The following ANKRD12 variants were observed in gnomAD, a reference collection of about 807,000 sequenced individuals.
The protein encoded by ANKRD12 is ankyrin repeat domain 12, also known as ankyrin repeat domain-containing protein 12.
Under a neutral mutation model 183.4 loss-of-function variants are expected in ANKRD12, and 85 were observed. The observed-to-expected ratio is 0.46, with a 90% CI of 0.39 to 0.56. The LOEUF (loss-of-function observed/expected upper bound fraction) is 0.56, where lower values mean the gene tolerates loss of function less well. Among genes scored for constraint, ANKRD12 ranks in the 20% least tolerant of loss-of-function variants. The pLI is 0.00. For synonymous variants in ANKRD12, 914 were observed against 800.2 expected, an observed-to-expected ratio of 1.14 and a Z score of -2.40; for missense variants, 2,405 against 2,357.1, an observed-to-expected ratio of 1.02 and a Z score of -0.42.
intron 10 of ANKRD12, among the ~76,000 whole-genome samples, chr18:9,266,009 G>A (rs1056307046): frequency 1.3e-5 from 2 of 152,224 alleles, no homozygotes; most frequent in Non-Finnish European, 2.9e-5. Flanking sequence ...TCAGCTGGAA[G>A]AAAAGGTATC....
intron 10 of ANKRD12, among the ~76,000 whole-genome samples, chr18:9,264,496 A>G (rs1050773278): frequency 1.3e-5 from 2 of 152,138 alleles, no homozygotes; most frequent in Admixed American, 1.3e-4. Flanking sequence ...ATTTGTATAT[A>G]ACTTCTTTGG....
intron 2 of ANKRD12, among the ~76,000 whole-genome samples, chr18:9,187,609 T>G (rs2034176163): frequency 6.6e-6 from 1 of 152,238 alleles, no homozygotes; most frequent in African/African-American, 2.4e-5. Flanking sequence ...TAAAGTCCTC[T>G]CATTAAATAT....
intron 2 of ANKRD12, 29 bp from the exon 3 acceptor site, chr18:9,195,522 T>C (rs2144403392): frequency 1.3e-6 from 2 of 1,535,076 alleles, no homozygotes; most frequent in East Asian, 2.4e-5. Flanking sequence ...AATATTGATA[T>C]AACTTTACTC....
Position 9,182,458 on chromosome 18 carries a change from C to G in ANKRD12, c.26C>G (p.Pro9Arg). 6.2e-7 allele frequency: 1 copy of G among 1,610,726 alleles called. No individual in the cohort carries two copies. The highest frequency in any genetic ancestry group is 8.5e-7 in the Non-Finnish European group (1 of 1,178,304). ...ATGCCCAAATCTGGGTTCACAAAACCAATTCAGAGTGAAAATTCTGACAGT... is the reference window on the plus strand; with the variant it reads ...ATGCCCAAATCTGGGTTCACAAAACGAATTCAGAGTGAAAATTCTGACAGT... The part of the protein sequence containing the change: MPKSGFTK[P>R]IQSENSDSDS... Residue 9 changes from proline to arginine, a missense_variant, in exon 2 of 13, where the codon CCA (proline) becomes CGA (arginine). Physicochemically the swap from Pro to Arg is moderately radical, Grantham distance 103 (BLOSUM62 -2). Around this residue, in one of 7 missense-constraint regions of ANKRD12, gnomAD observed 145 missense variants for 145.6 expected, o/e 1.00. Coordinates refer to ENST00000262126, the MANE Select transcript of ANKRD12 (RefSeq NM_015208.5).
At chr18:9,151,031 T>C (rs1038903277) in intron 1 of ANKRD12, among the ~76,000 whole-genome samples, 6 of 152,190 alleles carry the variant, frequency 3.9e-5, no homozygotes, top group African/African-American at 1.2e-4. Context: ...GAAAATGTTA[T>C]GGAATAACTG....
chr18:9,265,501 T>TA (rs1176800309), intron 10 of ANKRD12, among the ~76,000 whole-genome samples: 3 of 152,160 alleles, frequency 2.0e-5, no homozygotes, highest in African/African-American at 7.2e-5. Flanking sequence ...CCGCTGCTGT[T>TA]ACCCACACAA....
intron 1 of ANKRD12, among the ~76,000 whole-genome samples, chr18:9,171,944 C>T (rs765391815): frequency 7.4e-5 from 11 of 149,190 alleles, no homozygotes; most frequent in Admixed American, 1.4e-4. Context: ...CACTTGAACC[C>T]GGGAGGTGGA....
intron 8 of ANKRD12, among the ~76,000 whole-genome samples, chr18:9,230,433 AT>A (rs1224083061): frequency 6.6e-6 from 1 of 151,336 alleles, no homozygotes; most frequent in African/African-American, 2.4e-5. Context: ...GATCCTTTGC[AT>A]TTTTTTAAGT....
intron 8 of ANKRD12, among the ~76,000 whole-genome samples, chr18:9,241,649 G>A (rs2037668188): frequency 6.6e-6 from 1 of 152,164 alleles, no homozygotes; most frequent in South Asian, 2.1e-4. Flanking sequence ...CAGCATGGTA[G>A]GCAATGAGGT....
chr18:9,237,280 A>G (rs1460238684), intron 8 of ANKRD12, among the ~76,000 whole-genome samples: 1 of 152,208 alleles, frequency 6.6e-6, no homozygotes, highest in Non-Finnish European at 1.5e-5. Flanking sequence ...TGATACATGG[A>G]TGGGGTGAAT....
intron 1 of ANKRD12, among the ~76,000 whole-genome samples, chr18:9,166,055 A>C (rs111883203): frequency 6.6e-6 from 1 of 151,784 alleles, no homozygotes; most frequent in African/African-American, 2.4e-5. Flanking sequence ...TGAACTCATC[A>C]TTTTTTATGG....
intron 2 of ANKRD12, among the ~76,000 whole-genome samples, chr18:9,191,573 TA>T (rs1208367306): frequency 6.6e-6 from 1 of 152,192 alleles, no homozygotes; most frequent in Non-Finnish European, 1.5e-5. Context: ...CTTTTATTCG[TA>T]ACAATGATTC....
In ANKRD12 at chr18:9,254,641, G is replaced by C; in HGVS notation, c.1374G>C (p.Lys458Asn). 2 of 1,570,170 alleles carry C rather than the reference G, an allele frequency of 1.3e-6. No individual in the cohort carries two copies. Among genetic ancestry groups the C allele is most frequent in the South Asian group, 1.2e-5 (1 of 81,364 alleles). Reference protein sequence around the residue: ...ETSNSDMQTKKEYVVSGEHKQ... With the variant: ...ETSNSDMQTKNEYVVSGEHKQ... ...CAAATTCTGATATGCAAACCAAAAA[G>C]GAATATGTAGTTTCAGGTGAACACA... Residue 458 changes from lysine to asparagine, a missense_variant, in exon 9 of 13, where the codon AAG becomes AAC. Coordinates refer to ENST00000262126, the MANE Select transcript of ANKRD12 (RefSeq NM_015208.5).
rs747233997 is a variant in ANKRD12, at chr18:9,256,257, C to T, written c.2990C>T (p.Pro997Leu). 8.7e-6 allele frequency: 14 copies of T among 1,602,914 alleles called. No homozygotes were observed. The Admixed American group carries it at 1.9e-4, about 22-fold the overall frequency. ...GGTAATAAAGCACAACATGAAAAAC[C>T]CTTATCCCTTAAAGAAAAAACAAAA... The part of the protein sequence containing the change: ...VDGNKAQHEK[P>L]LSLKEKTKDE... The change falls in exon 9 of 13, where the codon CCC (proline) becomes CTC (leucine). Residue 997 changes from proline to leucine, a missense_variant. Pro to Leu is a moderately conservative substitution (Grantham distance 98). This residue lies in a region of ANKRD12 where 1,983 missense variants were observed against 1,725.9 expected (regional missense o/e 1.15). Coordinates refer to ENST00000262126, the MANE Select transcript of ANKRD12 (RefSeq NM_015208.5).
chr18:9,185,939 CTT>C (rs971729394), intron 2 of ANKRD12, among the ~76,000 whole-genome samples: 3 of 152,190 alleles, frequency 2.0e-5, no homozygotes, highest in African/African-American at 4.8e-5. Flanking sequence ...AGCATTATAA[CTT>C]TTATTTCTGC....
chr18:9,248,078 G>T (rs906460872), intron 8 of ANKRD12, among the ~76,000 whole-genome samples: 1 of 152,174 alleles, frequency 6.6e-6, no homozygotes, highest in Non-Finnish European at 1.5e-5. Context: ...ATGAGCCACC[G>T]TGCCCAACCC....
At chr18:9,238,208 G>A (rs999568233) in intron 8 of ANKRD12, among the ~76,000 whole-genome samples, 2 of 151,984 alleles carry the variant, frequency 1.3e-5, no homozygotes, top group African/African-American at 2.4e-5. Flanking sequence ...TCTTGTCTTC[G>A]TAACTTCCTC....
chr18:9,262,736 C>A (rs2039044881), intron 9 of ANKRD12, among the ~76,000 whole-genome samples: 1 of 150,070 alleles, frequency 6.7e-6, no homozygotes, highest in Admixed American at 6.7e-5. Flanking sequence ...CTTCAGCCTC[C>A]CAAAGTGATG....
At chr18:9,172,053 A>T (rs1042055087) in intron 1 of ANKRD12, among the ~76,000 whole-genome samples, 10 of 149,774 alleles carry the variant, frequency 6.7e-5, no homozygotes, top group African/African-American at 2.2e-4. Context: ...AATGTTGAAT[A>T]TTGGTCCCCA....
Sources: gnomAD v4.1 joint callset for allele counts (sites outside exome capture counted in the v4.1 genomes callset) on GRCh38, gnomAD v4.1.1 for gene constraint, gnomAD v4.1.1 regional missense constraint, MANE v1.5 for transcripts, NCBI Gene and HGNC (gene_info 2026-07-23, HGNC 2026-07-21) for gene names.